The following CLVS1 variants were observed in gnomAD, a reference collection of about 807,000 sequenced individuals.
The protein encoded by CLVS1 is clavesin 1.
A neutral mutation model predicts 33.1 loss-of-function variants in CLVS1; 10 were observed. The ratio of observed to expected loss-of-function variants is 0.30; its 90% CI spans 0.19 to 0.51. The LOEUF is 0.51. Among genes scored for constraint, CLVS1 ranks in the 20% least tolerant of loss-of-function variants. The pLI is 0.97. For synonymous variants in CLVS1, 163 were observed against 166.1 expected (o/e 0.98, Z 0.14); for missense variants, 343 against 433.4 (o/e 0.79, Z 1.85).
chr8:60,994,012 C>T, the CLVS1 span, among the ~76,000 whole-genome samples: 158 of 152,308 alleles, frequency 1.0e-3, 1 homozygote, highest in South Asian at 0.012. Flanking sequence ...TGGGAAGGTG[C>T]ATTAGTCTGC....
chr8:61,120,691 C>T (rs1351964461), intron 1 of CLVS1, among the ~76,000 whole-genome samples: 1 of 141,796 alleles, frequency 7.1e-6, no homozygotes, highest in Non-Finnish European at 1.5e-5. Context: ...GCTCAGGGGT[C>T]AGGGGTCAGG....
chr8:61,074,207 G>T (rs1457654794), intron 1 of CLVS1, among the ~76,000 whole-genome samples: 1 of 150,436 alleles, frequency 6.6e-6, no homozygotes, highest in Non-Finnish European at 1.5e-5. Flanking sequence ...GTGTGGTGGT[G>T]CATGCCTGTA....
chr8:61,002,327 GTTTTTTT>G, the CLVS1 span, among the ~76,000 whole-genome samples: 2 of 98,816 alleles, frequency 2.0e-5, no homozygotes, highest in African/African-American at 4.0e-5. Flanking sequence ...ATGCTTGCTT[GTTTTTTT>G]TTTTTTTTTT....
At chr8:61,214,860 G>A (rs1808051628) in intron 2 of CLVS1, among the ~76,000 whole-genome samples, 1 of 152,172 alleles carries the variant, frequency 6.6e-6, no homozygotes, top group Non-Finnish European at 1.5e-5. Flanking sequence ...CCCACTGTGA[G>A]TTTAACTGGC....
chr8:61,071,412 C>T (rs1470393350), intron 1 of CLVS1, among the ~76,000 whole-genome samples: 1 of 152,200 alleles, frequency 6.6e-6, no homozygotes, highest in Non-Finnish European at 1.5e-5. Flanking sequence ...CCCTTCCTGG[C>T]ATCACGTTAA....
At chr8:61,031,326 G>A in the CLVS1 span, among the ~76,000 whole-genome samples, 2 of 152,174 alleles carry the variant, frequency 1.3e-5, no homozygotes, top group African/African-American at 4.8e-5. Flanking sequence ...CACCTGCAGG[G>A]TGGTGCTTGC....
At chr8:61,323,822 C>T (rs1407886104) in intron 2 of CLVS1, among the ~76,000 whole-genome samples, 2 of 152,078 alleles carry the variant, frequency 1.3e-5, no homozygotes, top group Non-Finnish European at 2.9e-5. Flanking sequence ...CTCCACTCTC[C>T]AATAGTCCCT....
chr8:61,055,887 T>C (rs539410248), upstream of CLVS1, among the ~76,000 whole-genome samples: 50 of 152,356 alleles, frequency 3.3e-4, 1 homozygote, highest in South Asian at 0.01. Flanking sequence ...TCCTCCATGA[T>C]ATGGTTCAGA....
intron 2 of CLVS1, among the ~76,000 whole-genome samples, chr8:61,236,469 C>T (rs1424502944): frequency 1.3e-5 from 2 of 152,198 alleles, no homozygotes; most frequent in Non-Finnish European, 2.9e-5. Flanking sequence ...GGCATGCTGA[C>T]ATTTCTGAGA....
chr8:61,179,683 G>T (rs1417481951), intron 2 of CLVS1, among the ~76,000 whole-genome samples: 1 of 152,168 alleles, frequency 6.6e-6, no homozygotes, highest in Non-Finnish European at 1.5e-5. Context: ...TCAGGATTAA[G>T]AAACTTACTC....
intron 2 of CLVS1, chr8:61,202,946 C>A (rs530036777): frequency 5.6e-5 from 81 of 1,435,756 alleles, no homozygotes; most frequent in Admixed American, 8.4e-5. Context: ...GATACTCCAG[C>A]CAAAAATGCA....
intron 2 of CLVS1, among the ~76,000 whole-genome samples, chr8:61,316,740 G>A (rs1294723982): frequency 6.6e-6 from 1 of 152,188 alleles, no homozygotes; most frequent in East Asian, 1.9e-4. Context: ...ATAGCTTTCT[G>A]AATCTAGATG....
At chr8:61,195,179 C>A (rs1807576510) in intron 2 of CLVS1, among the ~76,000 whole-genome samples, 1 of 151,420 alleles carries the variant, frequency 6.6e-6, no homozygotes, top group Non-Finnish European at 1.5e-5. Flanking sequence ...GAGCAAATAA[C>A]AAGAGCAAAA....
intron 2 of CLVS1, chr8:61,264,656 T>C (rs1419014947): frequency 1.3e-5 from 2 of 152,192 alleles, no homozygotes; most frequent in African/African-American, 2.4e-5. Flanking sequence ...ATTTTAAAAT[T>C]TGGGGTCAGC....
intron 2 of CLVS1, among the ~76,000 whole-genome samples, chr8:61,218,796 A>ATAT (rs35212175): frequency 7.0e-6 from 1 of 142,438 alleles, no homozygotes; most frequent in Non-Finnish European, 1.5e-5. Flanking sequence ...AAAAAAAAAA[A>ATAT]AGCTGGGAGT....
At chr8:61,328,787 C>A (rs1036364441) in intron 2 of CLVS1, among the ~76,000 whole-genome samples, 1 of 152,244 alleles carries the variant, frequency 6.6e-6, no homozygotes, top group South Asian at 2.1e-4. Flanking sequence ...AAAGATTTGT[C>A]TTTTGTTATT....
chr8:60,976,860 TG>T, the CLVS1 span, among the ~76,000 whole-genome samples: 1 of 152,184 alleles, frequency 6.6e-6, no homozygotes, highest in East Asian at 1.9e-4. Flanking sequence ...CTCCAAAAAT[TG>T]GGGTTGTGTG....
chr8:60,976,098 A>G, the CLVS1 span, among the ~76,000 whole-genome samples: 3 of 152,110 alleles, frequency 2.0e-5, no homozygotes, highest in African/African-American at 4.8e-5. Flanking sequence ...TGATCTTTCA[A>G]TTCTGACCTT....
intron 2 of CLVS1, among the ~76,000 whole-genome samples, chr8:61,362,125 A>G (rs1813004729): frequency 1.3e-5 from 2 of 152,208 alleles, no homozygotes; most frequent in South Asian, 4.1e-4. Context: ...CGGGCCAAGC[A>G]TGAGGCCTAC....
Sources: gnomAD v4.1 joint callset for allele counts (sites outside exome capture counted in the v4.1 genomes callset) on GRCh38, gnomAD v4.1.1 for gene constraint, MANE v1.5 for transcripts, NCBI Gene and HGNC (gene_info 2026-07-23, HGNC 2026-07-21) for gene names.